Variants in PCDHGA12 observed in about 807,000 individuals in gnomAD.
The protein encoded by PCDHGA12 is protocadherin gamma subfamily A, 12.
Under a neutral mutation model 61.1 loss-of-function variants are expected in PCDHGA12, and 43 were observed. The ratio of observed to expected loss-of-function variants is 0.70; its 90% CI spans 0.55 to 0.91. The LOEUF (loss-of-function observed/expected upper bound fraction) is 0.91, where lower values mean the gene tolerates loss of function less well. Ranked by LOEUF, PCDHGA12 falls within the 40% of genes least tolerant of loss-of-function variation. The pLI, the probability that PCDHGA12 is intolerant of heterozygous loss-of-function variation, is 0.00. For synonymous variants in PCDHGA12, 520 were observed against 542.9 expected, an observed-to-expected ratio of 0.96 and a Z score of 0.59; for missense variants, 1,236 against 1,227.7, an observed-to-expected ratio of 1.01 and a Z score of -0.10.
In PCDHGA12 at chr5:141,489,088, G is replaced by GGCA; in HGVS notation, c.2425-5719_2425-5718insGCA. The GGCA allele has an allele frequency of 2.9e-6, 1 of 347,238 alleles. No individual in the cohort carries two copies. Among genetic ancestry groups the GGCA allele is most frequent in the Non-Finnish European group, 5.0e-6 (1 of 200,706 alleles). The allele number at this position is 347,238 out of a possible 1,614,324, so 21.5% of individuals were successfully genotyped here. A position where few individuals can be genotyped will look rare whatever the true frequency, so the allele number is the denominator to read the frequency against. The stretch of plus-strand genomic sequence containing the variant: ...CCCCTGCCCACCCCCGCCACTCGGT[G>GGCA]ACTAAGAACTGCTGCAAGCAGGCAA... On this transcript the variant is annotated intron_variant, in intron 1 of 3. Coordinates refer to ENST00000252085, the MANE Select transcript of PCDHGA12 (RefSeq NM_003735.3). This position sits in a 1 kb window ranked among gnomAD's most constrained non-coding sequence, Gnocchi z 4.5.
Position 141,430,889 on chromosome 5 carries a change from A to G in PCDHGA12, c.130A>G (p.Arg44Gly). 6.2e-7 allele frequency: 1 copy of G among 1,605,270 alleles called. No individual in the cohort carries two copies. Among genetic ancestry groups the G allele is most frequent in the African/African-American group, 1.3e-5 (1 of 74,612 alleles). ...TCCGGAAGAGCTGGAGAAAGGCTCT[A>G]GGGTGGGCGACATCTCCAGGGACCT... ...SVPEELEKGSRVGDISRDLGL... is the reference protein window; with the variant it reads ...SVPEELEKGSGVGDISRDLGL... Residue 44 changes from arginine to glycine, a missense_variant, in exon 1 of 4, where the codon AGG becomes GGG. Transcript: ENST00000252085.
rs140088812 is a variant in PCDHGA12, at chr5:141,489,695, T to C, written c.2425-5112T>C. The C allele has an allele frequency of 6.2e-7, 1 of 1,614,088 alleles. No homozygotes were observed. The highest frequency in any genetic ancestry group is 1.3e-5 in the African/African-American group (1 of 75,026). On this transcript the variant is annotated intron_variant, in intron 1 of 3. Transcript: ENST00000252085. This position sits in a 1 kb window ranked among gnomAD's most constrained non-coding sequence, Gnocchi z 4.5. ...GAATCAGCAGCATCTGGGGCACGAT[T>C]CCCACTGGACAGTGCCCAGGATCCG...
In PCDHGA12 at chr5:141,486,885, G is replaced by C. The variant is rs139638334; in HGVS notation, c.2425-7922G>C. 1.2e-6 allele frequency: 2 copies of C among 1,614,076 alleles called. No individual in the cohort carries two copies. Among genetic ancestry groups the C allele is most frequent in the East Asian group, 4.5e-5 (2 of 44,892 alleles). On this transcript the variant is annotated intron_variant, in intron 1 of 3. Coordinates refer to ENST00000252085, the MANE Select transcript of PCDHGA12 (RefSeq NM_003735.3). This position sits in a 1 kb window ranked among gnomAD's most constrained non-coding sequence, Gnocchi z 5.0. ...CCAGCTGTGCTCCGTCCTCGGGCCC[G>C]GCCTGGTTCCTTATGTCCCCAAGCA...
At chr5:141,472,323 C>T (rs980684595) in intron 1 of PCDHGA12, among the ~76,000 whole-genome samples, 4 of 151,498 alleles carry the variant, frequency 2.6e-5, no homozygotes, top group East Asian at 2.0e-4. Flanking sequence ...AGGCAGATCA[C>T]GAGGTTGGGA....
rs776721321 is a variant in PCDHGA12, at chr5:141,431,084, C to A, written c.325C>A (p.Leu109Met). ...AIKCQLNLDI[L>M]MEDKVKIYGV... ...CAAGTGTCAATTAAATCTAGACATT[C>A]TGATGGAGGATAAAGTGAAAATATA... is the stretch of plus-strand genomic sequence containing the variant. Residue 109 changes from leucine to methionine, a missense_variant, in exon 1 of 4, where the codon CTG becomes ATG. Physicochemically the swap from Leu to Met is conservative, Grantham distance 15. Coordinates refer to ENST00000252085, the MANE Select transcript of PCDHGA12 (RefSeq NM_003735.3). This position sits in a 1 kb window ranked among gnomAD's most constrained non-coding sequence, Gnocchi z 4.8. The A allele has an allele frequency of 1.2e-6, 2 of 1,614,060 alleles. No homozygotes were observed. Among genetic ancestry groups the A allele is most frequent in the Non-Finnish European group, 1.7e-6 (2 of 1,180,002 alleles).
chr5:141,490,445 A>G lies in PCDHGA12; in HGVS notation c.2425-4362A>G, dbSNP rs2099700298. 6.2e-7 allele frequency: 1 copy of G among 1,614,022 alleles called. No individual in the cohort carries two copies. The highest frequency in any genetic ancestry group is 8.5e-7 in the Non-Finnish European group (1 of 1,180,030). ...CCATTTCAGATTAAGCCTTCTGAGA[A>G]CCACTACTCGCTGCTAACCAGCCAG... On this transcript the variant is annotated intron_variant, in intron 1 of 3. Coordinates refer to ENST00000252085, the MANE Select transcript of PCDHGA12 (RefSeq NM_003735.3). The surrounding 1 kb of genome is among the most constrained non-coding windows in gnomAD (Gnocchi z 5.4).
intron 2 of PCDHGA12, among the ~76,000 whole-genome samples, chr5:141,495,834 C>T (rs1366861675): frequency 6.6e-6 from 1 of 152,198 alleles, no homozygotes; most frequent in African/African-American, 2.4e-5. Context: ...CTATCCCCAG[C>T]CTCTATGTTT....
Position 141,489,712 on chromosome 5 carries a change from C to T in PCDHGA12, c.2425-5095C>T. On this transcript the variant is annotated intron_variant, in intron 1 of 3. Coordinates refer to ENST00000252085, the MANE Select transcript of PCDHGA12 (RefSeq NM_003735.3). The surrounding 1 kb of genome is among the most constrained non-coding windows in gnomAD (Gnocchi z 4.5). The stretch of plus-strand genomic sequence containing the variant: ...GGCACGATTCCCACTGGACAGTGCC[C>T]AGGATCCGGATGTGGGCACCAATAC... The T allele has an allele frequency of 6.2e-7, 1 of 1,614,162 alleles. No individual in the cohort carries two copies. The highest frequency in any genetic ancestry group is 1.1e-5 in the South Asian group (1 of 91,078).
chr5:141,462,336 T>C (rs2099037439), intron 1 of PCDHGA12, among the ~76,000 whole-genome samples: 1 of 152,238 alleles, frequency 6.6e-6, no homozygotes, highest in African/African-American at 2.4e-5. Flanking sequence ...TTTAATTGTA[T>C]TGTGATCCAA....
chr5:141,485,245 G>C lies in PCDHGA12; in HGVS notation c.2425-9562G>C. 1 of 1,614,188 alleles carries C rather than the reference G, an allele frequency of 6.2e-7. No individual in the cohort carries two copies. Among genetic ancestry groups the C allele is most frequent in the Non-Finnish European group, 8.5e-7 (1 of 1,180,008 alleles). On this transcript the variant is annotated intron_variant, in intron 1 of 3. Coordinates refer to ENST00000252085, the MANE Select transcript of PCDHGA12 (RefSeq NM_003735.3). This position sits in a 1 kb window ranked among gnomAD's most constrained non-coding sequence, Gnocchi z 5.7. The stretch of plus-strand genomic sequence containing the variant: ...CCCTTTTGTTCCTCTTTTACCACCT[G>C]GGTTACGTTTGTGGGCAGATCCGCT...
intron 1 of PCDHGA12, among the ~76,000 whole-genome samples, chr5:141,437,811 C>A (rs964885701): frequency 6.6e-6 from 1 of 150,864 alleles, no homozygotes; most frequent in African/African-American, 2.4e-5. Flanking sequence ...TATCTTGGCT[C>A]ACTGCAACCT....
At chr5:141,509,692 C>T (rs755446680) in intron 3 of PCDHGA12, among the ~76,000 whole-genome samples, 8 of 152,126 alleles carry the variant, frequency 5.3e-5, no homozygotes, top group Non-Finnish European at 1.0e-4. Context: ...TACAGTGGGA[C>T]GTTGGACTGG....
At position 141,436,830 on chromosome 5, in the gene PCDHGA12, T is replaced by C. The variant is rs1054296892; in HGVS notation, c.2424+3647T>C. On this transcript the variant is annotated intron_variant, in intron 1 of 3. Coordinates refer to ENST00000252085, the MANE Select transcript of PCDHGA12 (RefSeq NM_003735.3). ...TGACAGCTGGTTTAAAAATCTTAAGTGCCTAGGCACATTCTTGATTGAGAA... is the reference window on the plus strand; with the variant it reads ...TGACAGCTGGTTTAAAAATCTTAAGCGCCTAGGCACATTCTTGATTGAGAA... Among the ~76,000 whole-genome samples, 37 of 152,252 alleles carry C rather than the reference T, an allele frequency of 2.4e-4. 1 individual carries two copies.
chr5:141,479,676 G>A (rs2099503035), intron 1 of PCDHGA12: 1 of 152,242 alleles, frequency 6.6e-6, no homozygotes, highest in African/African-American at 2.4e-5. Context: ...CAAAAGGAGA[G>A]TCTTTTTGGT....
chr5:141,431,770 T>A lies in PCDHGA12; in HGVS notation c.1011T>A (p.Val337=), dbSNP rs748816389. 7 of 1,614,086 alleles carry A rather than the reference T, an allele frequency of 4.3e-6. No homozygotes were observed. The highest frequency in any genetic ancestry group is 1.3e-5 in the African/African-American group (1 of 74,938). ...YSARAKVLIT[V]LDVNDNAPEV... ...CGCGAGCCAAAGTCCTGATCACTGT[T>A]CTGGACGTGAACGACAATGCCCCAG... The change falls in exon 1 of 4, where the codon GTT becomes GTA. Residue 337 remains valine, a synonymous_variant. Coordinates refer to ENST00000252085, the MANE Select transcript of PCDHGA12 (RefSeq NM_003735.3). This position sits in a 1 kb window ranked among gnomAD's most constrained non-coding sequence, Gnocchi z 4.8.
chr5:141,477,052 C>T lies in PCDHGA12; in HGVS notation c.2425-17755C>T. On this transcript the variant is annotated intron_variant, in intron 1 of 3. Coordinates refer to ENST00000252085, the MANE Select transcript of PCDHGA12 (RefSeq NM_003735.3). The surrounding 1 kb of genome is among the most constrained non-coding windows in gnomAD (Gnocchi z 4.9). ...TGACAATCAAGGGTCGGCTGGACTT[C>T]GAGGACACCAAACTCCATGAGATTT... 1.2e-6 allele frequency: 2 copies of T among 1,614,240 alleles called. No individual in the cohort carries two copies. The highest frequency in any genetic ancestry group is 1.7e-6 in the Non-Finnish European group (2 of 1,180,032).
At chr5:141,450,829 A>ATTAT (rs1554136902) in intron 1 of PCDHGA12, among the ~76,000 whole-genome samples, 14 of 135,142 alleles carry the variant, frequency 1.0e-4, no homozygotes, top group African/African-American at 3.3e-4. Context: ...TATTATTATT[A>ATTAT]TTTTTTTTTT....
chr5:141,453,848 C>T (rs1045684685), intron 1 of PCDHGA12, among the ~76,000 whole-genome samples: 38 of 152,290 alleles, frequency 2.5e-4, no homozygotes, highest in Non-Finnish European at 4.4e-4. Context: ...GTCCACAGAG[C>T]ACTTTGAAAA....
Position 141,477,568 on chromosome 5 carries a change from C to T in PCDHGA12, c.2425-17239C>T, listed in dbSNP as rs2099413139. The T allele has an allele frequency of 6.2e-7, 1 of 1,614,172 alleles. No individual in the cohort carries two copies. The highest frequency in any genetic ancestry group is 1.7e-4 in the Middle Eastern group (1 of 6,060). On this transcript the variant is annotated intron_variant, in intron 1 of 3. Transcript: ENST00000252085. This position sits in a 1 kb window ranked among gnomAD's most constrained non-coding sequence, Gnocchi z 4.9. ...TACTAAACCTAAGTGTCTGGGACCC[C>T]GACGCCCCGCAGAATGCTCGGCTTT...
Sources: gnomAD v4.1 joint callset for allele counts (sites outside exome capture counted in the v4.1 genomes callset) on GRCh38, gnomAD v4.1.1 for gene constraint, Gnocchi (gnomAD v3.1) non-coding constraint, MANE v1.5 for transcripts, NCBI Gene and HGNC (gene_info 2026-07-23, HGNC 2026-07-21) for gene names.